Variants in TDRKH observed in about 807,000 individuals in gnomAD.
TDRKH encodes the protein tudor and KH domain-containing protein.
Under a neutral mutation model 61.3 loss-of-function variants are expected in TDRKH, and 28 were observed. That is an observed-to-expected ratio of 0.46 (90% CI 0.34 to 0.63). The LOEUF (loss-of-function observed/expected upper bound fraction) is 0.63. Among genes scored for constraint, TDRKH ranks in the 20% least tolerant of loss-of-function variants. The pLI, the probability that TDRKH is intolerant of heterozygous loss-of-function variation, is 0.01. For synonymous variants in TDRKH, 219 were observed against 244.4 expected (o/e 0.90, Z 0.97); for missense variants, 540 against 683.4 (o/e 0.79, Z 2.34).
intron 1 of TDRKH, among the ~76,000 whole-genome samples, chr1:151,787,216 C>T (rs940256707): frequency 1.3e-5 from 2 of 152,128 alleles, no homozygotes; most frequent in African/African-American, 4.8e-5. Flanking sequence ...CCCCTGATTA[C>T]TTTAGATATA....
rs1159099601 is a variant in TDRKH, at chr1:151,778,712, C to T, written c.856G>A (p.Ala286Thr). 6.2e-7 allele frequency: 1 copy of T among 1,613,990 alleles called. No individual in the cohort carries two copies. The highest frequency in any genetic ancestry group is 8.5e-7 in the Non-Finnish European group (1 of 1,179,980). Residue 286 changes from alanine (A) to threonine (T), a missense_variant, in exon 6 of 13, where the codon GCC (alanine) becomes ACC (threonine). This residue lies in a region of TDRKH where 379 missense variants were observed against 443.8 expected (regional missense o/e 0.85). Coordinates refer to ENST00000368824, the MANE Select transcript of TDRKH (RefSeq NM_001083965.2). ...DDSFQKSEAQ[A>T]IPEMPMFEIP... ...TCAAACATGGGCATCTCTGGGATGG[C>T]CTGGGCTTCAGACTTCTGAAAGCTG...
At chr1:151,770,257 G>A, downstream of TDRKH, 1 of 1,612,970 alleles carries the variant, frequency 6.2e-7, no homozygotes, top group Non-Finnish European at 8.5e-7. Flanking sequence ...GAACGACAGA[G>A]GTGGGGATCT....
At chr1:151,771,035 G>A (rs1294628674), downstream of TDRKH, 3 of 1,533,594 alleles carry the variant, frequency 2.0e-6, no homozygotes, top group Middle Eastern at 1.8e-4. Flanking sequence ...CATGTATTGA[G>A]TTTTAAAGCA....
At chr1:151,767,308 A>T, downstream of TDRKH, 1 of 1,612,948 alleles carries the variant, frequency 6.2e-7, no homozygotes, top group Non-Finnish European at 8.5e-7. Context: ...CGGTAAGTGG[A>T]CTGTGAGCTA....
chr1:151,772,921 T>G (rs1476594889), downstream of TDRKH, among the ~76,000 whole-genome samples: 1 of 152,164 alleles, frequency 6.6e-6, no homozygotes, highest in Non-Finnish European at 1.5e-5. Flanking sequence ...GGTTGTGTGG[T>G]GGTGCAATCT....
chr1:151,773,899 A>G lies in TDRKH; in HGVS notation c.*553T>C, dbSNP rs928224289. On this transcript the variant is annotated 3_prime_UTR_variant, in exon 13 of 13. Coordinates refer to ENST00000368824, the MANE Select transcript of TDRKH (RefSeq NM_001083965.2). ...TCAGAAGTCTGCAGAATCACTTCCAATGACGAAAGCCTGACTGTTTCCCAG... is the reference window on the plus strand; with the variant it reads ...TCAGAAGTCTGCAGAATCACTTCCAGTGACGAAAGCCTGACTGTTTCCCAG... 6.6e-6 allele frequency: 1 copy of G among 152,272 alleles called. No homozygotes were observed. The highest frequency in any genetic ancestry group is 1.9e-4 in the East Asian group (1 of 5,198). 9.4% of individuals were successfully genotyped at this position (152,272 alleles called of 1,614,324 possible). A position where few individuals can be genotyped will look rare whatever the true frequency, so the allele number is the denominator to read the frequency against.
chr1:151,776,624 G>C (rs1023288636), intron 6 of TDRKH, 25 bp from the exon 7 acceptor site: 9 of 1,611,950 alleles, frequency 5.6e-6, no homozygotes, highest in African/African-American at 2.7e-5. Context: ...AAGGATGGTG[G>C]CCACATCAGA....
chr1:151,790,198 T>G (rs1340089033), intron 1 of TDRKH, among the ~76,000 whole-genome samples, 182 bp downstream of exon 1: 1 of 151,990 alleles, frequency 6.6e-6, no homozygotes, highest in Admixed American at 6.5e-5. Flanking sequence ...CAGTTACGAG[T>G]TCCCAGTGGG....
rs749386396 is a variant in TDRKH at position 151,776,199 on chromosome 1, G to A, written c.1114C>T (p.Arg372Ter). 1.2e-6 allele frequency: 2 copies of A among 1,614,092 alleles called. No individual in the cohort carries two copies. Among genetic ancestry groups the A allele is most frequent in the Non-Finnish European group, 1.7e-6 (2 of 1,180,006 alleles). ...APLPTNGSWY[R>*]ARVLGTLENG... ...TCCAAGGTGCCGAGGACCCGGGCTC[G>A]ATACCAGGAACCATTTGTAGGTAAA... is the stretch of plus-strand genomic sequence containing the variant. Residue 372 changes from arginine (R) to a stop codon, truncating the protein, a stop_gained, in exon 8 of 13, where the codon CGA (arginine) becomes TGA (stop). Coordinates refer to ENST00000368824, the MANE Select transcript of TDRKH (RefSeq NM_001083965.2). LOFTEE classifies it high-confidence loss of function.
At chr1:151,770,043 C>G (rs993450332), downstream of TDRKH, 2 of 1,518,424 alleles carry the variant, frequency 1.3e-6, no homozygotes, top group Admixed American at 1.7e-5. Flanking sequence ...CTTCGGCTTT[C>G]ACAACTTTGG....
At chr1:151,778,500 C>G in intron 6 of TDRKH, 185 bp downstream of exon 6, 2 of 1,547,986 alleles carry the variant, frequency 1.3e-6, no homozygotes, top group Non-Finnish European at 1.8e-6. Context: ...TCAAACTGTC[C>G]AGCAACTGTT....
In TDRKH at chr1:151,775,502, G is replaced by A; in HGVS notation, c.1324C>T (p.Leu442Phe). Residue 442 changes from leucine to phenylalanine, a missense_variant, in exon 10 of 13, where the codon CTC (leucine) becomes TTC (phenylalanine). Transcript: ENST00000368824. ...GGCTTCCAGTCAGCACAATGAGTGA[G>A]TCTATCAAACTCATCCAAAGCTTCC... The part of the protein sequence containing the change: ...EEEALDEFDR[L>F]THCADWKPLV... 1.2e-6 allele frequency: 2 copies of A among 1,614,024 alleles called. No homozygotes were observed. The highest frequency in any genetic ancestry group is 1.7e-4 in the Middle Eastern group (1 of 6,060).
Position 151,778,739 on chromosome 1 carries a change from C to T in TDRKH, c.829G>A (p.Asp277Asn). The T allele has an allele frequency of 2.5e-6, 4 of 1,614,180 alleles. No homozygotes were observed. Among genetic ancestry groups the T allele is most frequent in the Non-Finnish European group, 3.4e-6 (4 of 1,180,040 alleles). ...KEGSWEKPSD[D>N]SFQKSEAQAI... ...TGGGCTTCAGACTTCTGAAAGCTGT[C>T]ATCACTAGGTTTCTCCCAGGAACCT... The change falls in exon 6 of 13, where the codon GAC becomes AAC. Residue 277 changes from aspartate (D) to asparagine (N), a missense_variant. Transcript: ENST00000368824.
At chr1:151,787,994 T>TA (rs1312663842) in intron 1 of TDRKH, among the ~76,000 whole-genome samples, 299 of 145,534 alleles carry the variant, frequency 2.1e-3, no homozygotes, top group Admixed American at 3.4e-3. Context: ...TCAAGGGGTT[T>TA]AAAAAAAAAA....
intron 7 of TDRKH, 30 bp from the exon 8 acceptor site, chr1:151,776,298 G>T: frequency 6.2e-7 from 1 of 1,607,644 alleles, no homozygotes; most frequent in East Asian, 2.2e-5. Flanking sequence ...GAAAGGCAGA[G>T]AGTTACAAAG....
At chr1:151,775,737 G>A (rs535984260) in intron 9 of TDRKH, 83 bp downstream of exon 9, 1 of 1,544,170 alleles carries the variant, frequency 6.5e-7, no homozygotes, top group African/African-American at 1.4e-5. Flanking sequence ...CAAAAAGCCT[G>A]GGAATGTGAG....
chr1:151,775,408 T>C lies in TDRKH; in HGVS notation c.1418A>G (p.Asp473Gly), dbSNP rs1363604546. ...CAGTCTTACCTTCCCATTGCTAGTA[T>C]CATATAAGTAGATCTTTGGCCAAGT... Reference protein sequence around the residue: ...ISTWPKIYLYDTSNGKKLDIG... With the variant: ...ISTWPKIYLYGTSNGKKLDIG... The change falls in exon 10 of 13, where the codon GAT becomes GGT. Residue 473 changes from aspartate to glycine, a missense_variant. Coordinates refer to ENST00000368824, the MANE Select transcript of TDRKH (RefSeq NM_001083965.2). 6.2e-7 allele frequency: 1 copy of C among 1,611,902 alleles called. No homozygotes were observed.
chr1:151,767,334 A>G (rs762669018), downstream of TDRKH: 18 of 1,602,934 alleles, frequency 1.1e-5, no homozygotes, highest in East Asian at 3.8e-4. Context: ...GTGACAGGGC[A>G]ACCCTTTTCT....
chr1:151,782,996 T>C lies in TDRKH; in HGVS notation c.27A>G (p.Thr9=), dbSNP rs780841555. Reference sequence around the variant, plus strand: ...CTATTTTCTGAATGGTGGACAGGCTTGTCCAAGAAGTCCGTTCAGTAGACA... The same window carrying C: ...CTATTTTCTGAATGGTGGACAGGCTCGTCCAAGAAGTCCGTTCAGTAGACA... MSTERTSW[T]SLSTIQKIAL... Residue 9 remains threonine (T), a synonymous_variant, in exon 2 of 13, where the codon ACA becomes ACG. Coordinates refer to ENST00000368824, the MANE Select transcript of TDRKH (RefSeq NM_001083965.2). 6.2e-7 allele frequency: 1 copy of C among 1,613,596 alleles called. No homozygotes were observed. Among genetic ancestry groups the C allele is most frequent in the East Asian group, 2.2e-5 (1 of 44,852 alleles).
Sources: allele counts gnomAD v4.1 joint callset (sites outside exome capture counted in the v4.1 genomes callset), GRCh38; gene constraint gnomAD v4.1.1; regional missense constraint gnomAD v4.1.1; transcripts MANE v1.5; gene names NCBI Gene and HGNC (gene_info 2026-07-23, HGNC 2026-07-21).